The following NCOR2 variants were observed in gnomAD, a reference collection of about 807,000 sequenced individuals.
NCOR2 encodes the protein nuclear receptor corepressor 2, also known as CTG repeat protein 26.
NCOR2 carries 81 observed loss-of-function variants against 262.9 expected under a neutral mutation model. The observed-to-expected ratio is 0.31, with a 90% confidence interval of 0.26 to 0.37. The LOEUF is 0.37. NCOR2 is among the 10% of genes least tolerant of loss of function. The pLI is 1.00. For missense variants in NCOR2, 3,385 were observed against 3,621.4 expected (o/e 0.93, Z 1.68); for synonymous variants, 1,659 against 1,559.3 (o/e 1.06, Z -1.51).
At chr12:124,508,340 G>T (rs1215830416) in intron 1 of NCOR2, among the ~76,000 whole-genome samples, 1 of 152,236 alleles carries the variant, frequency 6.6e-6, no homozygotes, top group East Asian at 1.9e-4. Flanking sequence ...AACCCAAAAG[G>T]TCCTATGGCC....
exon 47 of NCOR2, chr12:124,325,180 C>A: frequency 2.1e-5 from 5 of 243,192 alleles, no homozygotes; most frequent in Non-Finnish European, 3.9e-5. Context: ...AGGTAAACAT[C>A]CCCTGAGTAA....
At chr12:124,372,385 G>A (rs548626739) in exon 20 of NCOR2, 2 of 1,509,052 alleles carry the variant, frequency 1.3e-6, no homozygotes, top group East Asian at 2.3e-5. Flanking sequence ...AGGTGCAGAG[G>A]GCGATGGGGG....
chr12:124,444,961 G>A (rs754072407), intron 7 of NCOR2, among the ~76,000 whole-genome samples: 1 of 152,156 alleles, frequency 6.6e-6, no homozygotes, highest in African/African-American at 2.4e-5. Context: ...AACAAGACCA[G>A]AGAGACCTGC....
chr12:124,430,546 C>G, intron 9 of NCOR2, 69 bp downstream of exon 11: 1 of 1,532,726 alleles, frequency 6.5e-7, no homozygotes, highest in Non-Finnish European at 8.8e-7. Context: ...GCCAGGCCAT[C>G]TCTACTGAGG....
chr12:124,453,677 G>A (rs1316370744), intron 6 of NCOR2, among the ~76,000 whole-genome samples: 1 of 152,228 alleles, frequency 6.6e-6, no homozygotes, highest in Non-Finnish European at 1.5e-5. Context: ...CCCTCAACCC[G>A]CTGGTGACAC....
rs370827132 is a variant in NCOR2, at chr12:124,495,113, G to A, written c.105+34C>T. On this transcript the variant is annotated intron_variant, in intron 1 of 46. Transcript: ENST00000405201. This position sits in a 1 kb window ranked among gnomAD's most constrained non-coding sequence, Gnocchi z 4.4. ...GTGGAATGGAAGAAGGGTCTCAAAG[G>A]TAGCCCCAGGCGCACACATGTGCAC... is the stretch of plus-strand genomic sequence containing the variant. The A allele has an allele frequency of 4.4e-6, 7 of 1,608,644 alleles. No homozygotes were observed. In the East Asian group the frequency reaches 1.6e-4, roughly 36 times the overall value.
chr12:124,527,025 T>C (rs1450478140), intron 1 of NCOR2, among the ~76,000 whole-genome samples: 1 of 152,238 alleles, frequency 6.6e-6, no homozygotes, highest in African/African-American at 2.4e-5. Context: ...GCAAATGGGC[T>C]TGCTTTGTCC....
chr12:124,337,256 T>C, intron 37 of NCOR2, 76 bp from the exon 40 acceptor site: 1 of 1,477,920 alleles, frequency 6.8e-7, no homozygotes. Context: ...GAGTCCCCAT[T>C]GCCCTGGGAT....
At chr12:124,487,706 C>T (rs186172387) in intron 1 of NCOR2, among the ~76,000 whole-genome samples, 17 of 152,350 alleles carry the variant, frequency 1.1e-4, no homozygotes, top group Non-Finnish European at 2.2e-4. Flanking sequence ...ACAGTCTTGA[C>T]GCTGATAGCA....
In NCOR2 at chr12:124,566,739, G is replaced by A. The variant is rs942202681; in HGVS notation, c.-165+569C>T. 2.6e-5 allele frequency among the ~76,000 whole-genome samples: 4 copies of A among 152,088 alleles called. No homozygotes were observed. The highest frequency in any genetic ancestry group is 4.4e-5 in the Non-Finnish European group (3 of 68,000). ...ACCGGCCCGCGGGGGAGGGGGACCA[G>A]GGGCGACTCTCCCGAGGGACCCCGC... On this transcript the variant is annotated intron_variant, in intron 1 of 32. Coordinates refer to the NCOR2 transcript ENST00000458234. The surrounding 1 kb of genome is among the most constrained non-coding windows in gnomAD (Gnocchi z 4.3).
intron 41 of NCOR2, 109 bp from the exon 44 acceptor site, chr12:124,333,388 A>C (rs2035398371): frequency 1.9e-6 from 2 of 1,043,746 alleles, no homozygotes; most frequent in Non-Finnish European, 2.5e-6. Flanking sequence ...TACGTGGCCA[A>C]ATCATAAACG....
At chr12:124,415,397 C>A (rs2042804409) in intron 13 of NCOR2, among the ~76,000 whole-genome samples, 1 of 152,254 alleles carries the variant, frequency 6.6e-6, no homozygotes, top group South Asian at 2.1e-4. Context: ...ACAAGACAGG[C>A]TGAGCCTGAA....
At chr12:124,499,898 G>A (rs910840672), upstream of NCOR2, among the ~76,000 whole-genome samples, 2 of 152,126 alleles carry the variant, frequency 1.3e-5, no homozygotes, top group African/African-American at 4.8e-5. Context: ...GGGACACTGG[G>A]GGATCAGGGC....
chr12:124,447,815 G>A (rs55823529), intron 7 of NCOR2, among the ~76,000 whole-genome samples: 15,700 of 151,282 alleles, frequency 0.1, 960 homozygotes, highest in East Asian at 0.18. Context: ...TCCCTCCTTC[G>A]CCTCCTGAGT....
intron 17 of NCOR2, among the ~76,000 whole-genome samples, chr12:124,381,060 AC>A (rs2040375748): frequency 6.6e-6 from 1 of 151,640 alleles, no homozygotes; most frequent in Admixed American, 6.6e-5. Context: ...AGCGCATGCC[AC>A]CCCCTGCTTC....
chr12:124,554,678 C>T (rs1331527230), intron 1 of NCOR2, among the ~76,000 whole-genome samples: 1 of 152,272 alleles, frequency 6.6e-6, no homozygotes, highest in Non-Finnish European at 1.5e-5. Flanking sequence ...ACACCCGATG[C>T]GCAGCACGCT....
At chr12:124,341,375 G>GC (rs2036443447) in intron 34 of NCOR2, among the ~76,000 whole-genome samples, 1 of 152,070 alleles carries the variant, frequency 6.6e-6, no homozygotes, top group Non-Finnish European at 1.5e-5. Context: ...GAGTAGCTGG[G>GC]ACTACAGGTG....
intron 3 of NCOR2, among the ~76,000 whole-genome samples, chr12:124,473,940 C>G (rs960949542): frequency 6.6e-6 from 1 of 152,192 alleles, no homozygotes; most frequent in Non-Finnish European, 1.5e-5. Flanking sequence ...AGCCATCACC[C>G]ATTCTCCAAA....
rs1210771165 is a variant in NCOR2 at position 124,503,665 on chromosome 12, C to CGGGT, written c.-117-8301_-117-8298dup. ...ATGGATGGATGGATGGATGGATGGA[C>CGGGT]GGGTGAATGGATGGATGGATGGATG... is the stretch of plus-strand genomic sequence containing the variant. On this transcript the variant is annotated intron_variant, in intron 1 of 46. Coordinates refer to the NCOR2 transcript ENST00000404621. The surrounding 1 kb of genome is among the most constrained non-coding windows in gnomAD (Gnocchi z 4.3). Among the ~76,000 whole-genome samples, 3 of 102,516 alleles carry CGGGT rather than the reference C, an allele frequency of 2.9e-5. No individual in the cohort carries two copies. Among genetic ancestry groups the CGGGT allele is most frequent in the Non-Finnish European group, 5.7e-5 (3 of 52,932 alleles). The allele number at this position is 102,516 out of a possible 152,430, so 67.3% of individuals were successfully genotyped here.
Sources: allele counts gnomAD v4.1 joint callset (sites outside exome capture counted in the v4.1 genomes callset), GRCh38; gene constraint gnomAD v4.1.1; non-coding constraint Gnocchi (gnomAD v3.1); transcripts MANE v1.5; gene names NCBI Gene and HGNC (gene_info 2026-07-23, HGNC 2026-07-21).